Variants in PSTPIP2 observed in about 807,000 individuals in gnomAD.
The protein encoded by PSTPIP2 is proline-serine-threonine phosphatase-interacting protein 2.
Under a neutral mutation model 63.3 loss-of-function variants are expected in PSTPIP2, and 33 were observed. That is an observed-to-expected ratio of 0.52 (90% CI 0.40 to 0.70). PSTPIP2 has a LOEUF of 0.70. PSTPIP2 is among the 30% of genes least tolerant of loss of function. The pLI is 0.00. For missense variants in PSTPIP2, 312 were observed against 400.7 expected, an observed-to-expected ratio of 0.78 and a Z score of 1.89; for synonymous variants, 125 against 132.7, an observed-to-expected ratio of 0.94 and a Z score of 0.40.
At chr18:45,996,266 C>CT (rs1314375558) in intron 9 of PSTPIP2, among the ~76,000 whole-genome samples, 1 of 152,140 alleles carries the variant, frequency 6.6e-6, no homozygotes, top group Non-Finnish European at 1.5e-5. Context: ...CTTTTCTGTG[C>CT]TAACAGGAAA....
intron 4 of PSTPIP2, 140 bp downstream of exon 4, chr18:46,015,763 G>T: frequency 1.1e-6 from 1 of 882,446 alleles, no homozygotes; most frequent in Non-Finnish European, 1.7e-6. Context: ...AGCCTGCAGA[G>T]CTTTGTCTCA....
At chr18:46,068,128 TA>T (rs1291103677) in intron 1 of PSTPIP2, among the ~76,000 whole-genome samples, 1 of 151,698 alleles carries the variant, frequency 6.6e-6, no homozygotes, top group East Asian at 1.9e-4. Context: ...ATATACCAAT[TA>T]AAAAATACAA....
chr18:46,001,096 T>G (rs2051660758), intron 6 of PSTPIP2, among the ~76,000 whole-genome samples: 1 of 152,212 alleles, frequency 6.6e-6, no homozygotes, highest in Non-Finnish European at 1.5e-5. Context: ...TTCCTTTCCT[T>G]TGGATAAATA....
chr18:46,066,884 G>A (rs561551147), intron 1 of PSTPIP2, among the ~76,000 whole-genome samples: 251 of 152,088 alleles, frequency 1.7e-3, no homozygotes, highest in Non-Finnish European at 3.0e-3. Flanking sequence ...AAAATTAGCC[G>A]GGCGTGGTGG....
chr18:46,066,854 C>T (rs1369208208), intron 1 of PSTPIP2, among the ~76,000 whole-genome samples: 1 of 152,076 alleles, frequency 6.6e-6, no homozygotes, highest in Non-Finnish European at 1.5e-5. Flanking sequence ...GTGAAACCCC[C>T]GTCTCTACTA....
chr18:46,045,142 A>T (rs1000136214), intron 1 of PSTPIP2, among the ~76,000 whole-genome samples: 2 of 152,244 alleles, frequency 1.3e-5, no homozygotes, highest in African/African-American at 4.8e-5. Context: ...CATTTGACCC[A>T]GCCATCCCAT....
chr18:46,043,224 TAAA>T (rs34454812), intron 1 of PSTPIP2, among the ~76,000 whole-genome samples: 3 of 77,316 alleles, frequency 3.9e-5, no homozygotes, highest in Non-Finnish European at 7.0e-5. Context: ...CACCTCTCCT[TAAA>T]AAAAAAAAAA....
intron 1 of PSTPIP2, among the ~76,000 whole-genome samples, chr18:46,057,368 C>G (rs78882580): frequency 6.6e-6 from 1 of 151,514 alleles, no homozygotes; most frequent in Non-Finnish European, 1.5e-5. Context: ...ACTGTCGTCA[C>G]CCAGGCTGGA....
rs1400470759 is a variant in PSTPIP2 at position 46,001,703 on chromosome 18, C to T, written c.418-2169G>A. 3.3e-5 allele frequency among the ~76,000 whole-genome samples: 5 copies of T among 152,118 alleles called. No individual in the cohort carries two copies. In the East Asian group the frequency reaches 7.7e-4, roughly 23 times the overall value. On this transcript the variant is annotated intron_variant, in intron 6 of 14. Transcript: ENST00000409746. ...TTCTTCTTTCCCCAGCCCTTAGCAA[C>T]CACCATTCTATGTTCTGTCTCCCTT...
chr18:46,026,893 A>G (rs1907597096), intron 2 of PSTPIP2, among the ~76,000 whole-genome samples: 1 of 152,198 alleles, frequency 6.6e-6, no homozygotes, highest in African/African-American at 2.4e-5. Context: ...TCCACCAACT[A>G]AAACTAATTA....
rs1024013913 is a variant in PSTPIP2 at position 46,021,830 on chromosome 18, C to T, written c.212+2779G>A. ...GGCCACTGCACTCCAGCCTGGGCAA[C>T]AAAGCGAGACTCTGTCTCAAAAAAA... On this transcript the variant is annotated intron_variant, in intron 3 of 14. Transcript: ENST00000409746. Among the ~76,000 whole-genome samples, 313 of 79,632 alleles carry T rather than the reference C, an allele frequency of 3.9e-3. 5 individuals are homozygous for T. The highest frequency in any genetic ancestry group is 0.015 in the African/African-American group (296 of 19,644). The allele number at this position is 79,632 out of a possible 152,430, so 52.2% of individuals were successfully genotyped here.
chr18:45,997,597 C>T (rs1052084838), intron 9 of PSTPIP2, 152 bp downstream of exon 9: 4 of 133,450 alleles, frequency 3.0e-5, no homozygotes, highest in South Asian at 2.5e-4. Context: ...ACCCACCTCC[C>T]GCCCCCTCGT....
chr18:46,048,816 G>A (rs187504848), intron 1 of PSTPIP2, among the ~76,000 whole-genome samples: 3 of 152,256 alleles, frequency 2.0e-5, no homozygotes, highest in Admixed American at 2.0e-4. Flanking sequence ...TGCAACAACT[G>A]GGGAAATTTG....
intron 4 of PSTPIP2, among the ~76,000 whole-genome samples, chr18:46,014,078 A>C (rs908781628): frequency 6.6e-6 from 1 of 151,830 alleles, no homozygotes; most frequent in African/African-American, 2.4e-5. Context: ...GCTGGGGTGC[A>C]GTGGCAAGAT....
intron 1 of PSTPIP2, chr18:46,041,135 C>G: frequency 2.2e-6 from 1 of 447,850 alleles, no homozygotes; most frequent in South Asian, 1.6e-5. Context: ...AAGCCAGGAA[C>G]CAGGATTCAG....
At chr18:46,007,481 C>T (rs951048954) in intron 5 of PSTPIP2, among the ~76,000 whole-genome samples, 1 of 152,250 alleles carries the variant, frequency 6.6e-6, no homozygotes, top group African/African-American at 2.4e-5. Flanking sequence ...AGTCAGGAAC[C>T]TGCGGTTCAC....
rs1907719995 is a variant in PSTPIP2 at position 46,029,737 on chromosome 18, C to A, written c.135-5051G>T. On this transcript the variant is annotated intron_variant, in intron 2 of 14. Transcript: ENST00000409746. ...CTTCCTGTACAGTATTTCAAACTTC[C>A]CAGTCATTAAAAAGAAAACTATTTC... 4.9e-6 allele frequency: 3 copies of A among 618,052 alleles called. No homozygotes were observed. In the South Asian group the frequency reaches 5.7e-5, roughly 12 times the overall value. 38.3% of individuals were successfully genotyped at this position (618,052 alleles called of 1,614,324 possible).
intron 1 of PSTPIP2, among the ~76,000 whole-genome samples, chr18:46,040,466 AGAC>A (rs1908151515): frequency 4.6e-5 from 7 of 152,222 alleles, no homozygotes; most frequent in Admixed American, 1.3e-4. Context: ...GACCTTCGAC[AGAC>A]TGGAACCAGA....
intron 1 of PSTPIP2, among the ~76,000 whole-genome samples, chr18:46,063,883 T>C (rs1351860321): frequency 6.6e-6 from 1 of 152,196 alleles, no homozygotes; most frequent in Non-Finnish European, 1.5e-5. Context: ...CACATACTAT[T>C]GGGAACACTG....
Sources: allele counts gnomAD v4.1 joint callset (sites outside exome capture counted in the v4.1 genomes callset), GRCh38; gene constraint gnomAD v4.1.1; transcripts MANE v1.5; gene names NCBI Gene and HGNC (gene_info 2026-07-23, HGNC 2026-07-21).